Variants in FAM110B observed in about 807,000 individuals in gnomAD.
The protein encoded by FAM110B is protein FAM110B.
Under a neutral mutation model 20.4 loss-of-function variants are expected in FAM110B, and 6 were observed. That is an observed-to-expected ratio of 0.29 (90% CI 0.16 to 0.58). The LOEUF (loss-of-function observed/expected upper bound fraction) is 0.58, where lower values mean the gene tolerates loss of function less well. Ranked by LOEUF, FAM110B falls within the 20% of genes least tolerant of loss-of-function variation. The probability of loss-of-function intolerance (pLI) is 0.90; values close to 1 mark genes in which losing one functional copy is unlikely to be tolerated. For synonymous variants in FAM110B, 226 were observed against 214.1 expected, an observed-to-expected ratio of 1.06 and a Z score of -0.49; for missense variants, 434 against 498.2, an observed-to-expected ratio of 0.87 and a Z score of 1.23.
At chr8:58,140,929 T>G (rs895375165) in intron 3 of FAM110B, among the ~76,000 whole-genome samples, 1 of 152,248 alleles carries the variant, frequency 6.6e-6, no homozygotes, top group South Asian at 2.1e-4. Context: ...ATCTTTTTTT[T>G]AAGTTCAGGA....
At chr8:58,130,160 C>T (rs1028689016) in intron 3 of FAM110B, among the ~76,000 whole-genome samples, 2 of 152,160 alleles carry the variant, frequency 1.3e-5, no homozygotes, top group Admixed American at 1.3e-4. Flanking sequence ...GGATAAAAAG[C>T]TAGCACTTCT....
Position 58,074,664 on chromosome 8 carries a change from T to C in FAM110B, c.-413-871T>C, listed in dbSNP as rs142006608. On this transcript the variant is annotated intron_variant, in intron 2 of 3. Coordinates refer to ENST00000519262, the MANE Select transcript of FAM110B (RefSeq NM_001377989.1). ...ATAGAAAGTGTTCAGCCAGTACCTG[T>C]TGAATGAATGAGAGAATTAATGATT... Among the ~76,000 whole-genome samples, 4 of 152,344 alleles carry C rather than the reference T, an allele frequency of 2.6e-5. No homozygotes were observed. In the East Asian group the frequency reaches 7.7e-4, roughly 29 times the overall value.
At chr8:58,069,020 A>C (rs1193196381) in intron 2 of FAM110B, among the ~76,000 whole-genome samples, 1 of 152,238 alleles carries the variant, frequency 6.6e-6, no homozygotes, top group Non-Finnish European at 1.5e-5. Flanking sequence ...TATAGAATCA[A>C]GTGAAAGTAG....
intron 2 of FAM110B, among the ~76,000 whole-genome samples, chr8:58,045,743 A>G (rs902186325): frequency 6.6e-6 from 1 of 152,218 alleles, no homozygotes; most frequent in Admixed American, 6.5e-5. Context: ...AAAAACAAAG[A>G]AATTATATTA....
chr8:58,121,307 C>T (rs1807356026), intron 3 of FAM110B, among the ~76,000 whole-genome samples: 1 of 152,140 alleles, frequency 6.6e-6, no homozygotes, highest in Non-Finnish European at 1.5e-5. Flanking sequence ...ATGTATTCTC[C>T]TGTGGGTCTC....
chr8:58,051,278 G>A (rs1278005258), intron 2 of FAM110B, among the ~76,000 whole-genome samples: 1 of 152,184 alleles, frequency 6.6e-6, no homozygotes, highest in Admixed American at 6.5e-5. Context: ...CCCTGAGTTC[G>A]AGACCAGAGG....
chr8:58,096,466 G>A (rs72660396), intron 3 of FAM110B, among the ~76,000 whole-genome samples: 4,413 of 152,212 alleles, frequency 0.029, 83 homozygotes, highest in Non-Finnish European at 0.04. Flanking sequence ...GTGAGCCACC[G>A]CGACCAGCCG....
chr8:58,116,474 C>T (rs1585900126), intron 3 of FAM110B, among the ~76,000 whole-genome samples: 1 of 152,186 alleles, frequency 6.6e-6, no homozygotes, highest in Non-Finnish European at 1.5e-5. Context: ...TGTGGTTACT[C>T]CTTTACCTTC....
chr8:58,116,931 C>CGA (rs1207170421), intron 3 of FAM110B, among the ~76,000 whole-genome samples: 4 of 152,152 alleles, frequency 2.6e-5, no homozygotes, highest in African/African-American at 9.7e-5. Context: ...CTTCTTAACG[C>CGA]GATGCACACA....
chr8:58,146,642 A>C lies in FAM110B; in HGVS notation c.412A>C (p.Lys138Gln). 6.2e-7 allele frequency: 1 copy of C among 1,613,600 alleles called. No individual in the cohort carries two copies. Among genetic ancestry groups the C allele is most frequent in the African/African-American group, 1.3e-5 (1 of 75,040 alleles). The stretch of plus-strand genomic sequence containing the variant: ...GGGCTCTAGCTCGGGCTCGGGGCAC[A>C]AGCACAGCTCCCGCAACTGGCCGCC... ...SEGSSSGSGH[K>Q]HSSRNWPPHR... Residue 138 changes from lysine (K) to glutamine (Q), a missense_variant, in exon 4 of 4, where the codon AAG becomes CAG. Physicochemically the swap from Lys to Gln is moderately conservative, Grantham distance 53 (BLOSUM62 1). This residue lies in a region of FAM110B where 284 missense variants were observed against 278.3 expected (regional missense o/e 1.02). Coordinates refer to ENST00000519262, the MANE Select transcript of FAM110B (RefSeq NM_001377989.1).
At chr8:58,014,601 T>G (rs1804602444) in intron 1 of FAM110B, among the ~76,000 whole-genome samples, 1 of 152,240 alleles carries the variant, frequency 6.6e-6, no homozygotes, top group South Asian at 2.1e-4. Flanking sequence ...GCAACAGGCT[T>G]TAACCTTCTC....
chr8:58,079,340 A>G (rs1228889454), intron 3 of FAM110B, among the ~76,000 whole-genome samples: 1 of 152,234 alleles, frequency 6.6e-6, no homozygotes, highest in Non-Finnish European at 1.5e-5. Context: ...TCTTTTACTT[A>G]TTCACAAAAA....
chr8:58,000,835 T>A (rs2150561732), intron 1 of FAM110B, among the ~76,000 whole-genome samples: 1 of 152,344 alleles, frequency 6.6e-6, no homozygotes, highest in Admixed American at 6.5e-5. Flanking sequence ...TTAAAAAAAA[T>A]TCCTTTAATC....
At chr8:58,027,744 A>G (rs1178906204) in intron 1 of FAM110B, among the ~76,000 whole-genome samples, 2 of 152,102 alleles carry the variant, frequency 1.3e-5, no homozygotes, top group Non-Finnish European at 2.9e-5. Flanking sequence ...ATCCTCTTGA[A>G]ATTGCTTTAC....
chr8:58,073,732 T>G lies in FAM110B; in HGVS notation c.-413-1803T>G, dbSNP rs1002086327. Among the ~76,000 whole-genome samples the G allele has an allele frequency of 3.3e-5, 5 of 152,214 alleles. No homozygotes were observed. In the East Asian group the frequency reaches 9.6e-4, roughly 29 times the overall value. On this transcript the variant is annotated intron_variant, in intron 2 of 3. Coordinates refer to ENST00000519262, the MANE Select transcript of FAM110B (RefSeq NM_001377989.1). ...ATTGGCAGGAATTGTCATTTCCTCT[T>G]GGCTGCATGTAGACTCCTGAAAGTC...
At chr8:58,015,445 A>G (rs1025139477) in intron 1 of FAM110B, among the ~76,000 whole-genome samples, 1 of 152,240 alleles carries the variant, frequency 6.6e-6, no homozygotes, top group Non-Finnish European at 1.5e-5. Flanking sequence ...AAAAATGGAT[A>G]CAGATACTAT....
intron 3 of FAM110B, among the ~76,000 whole-genome samples, chr8:58,114,942 G>T (rs193095068): frequency 2.6e-5 from 4 of 151,882 alleles, no homozygotes; most frequent in Admixed American, 6.6e-5. Flanking sequence ...GATGGTCTTC[G>T]CTGGAATCAG....
At chr8:58,088,134 A>G (rs200415276) in intron 3 of FAM110B, among the ~76,000 whole-genome samples, 1 of 152,248 alleles carries the variant, frequency 6.6e-6, no homozygotes, top group African/African-American at 2.4e-5. Context: ...AGTAGTTTTA[A>G]GTAACACACA....
At chr8:58,103,616 T>A (rs1224069298) in intron 3 of FAM110B, among the ~76,000 whole-genome samples, 2 of 151,942 alleles carry the variant, frequency 1.3e-5, no homozygotes, top group Non-Finnish European at 2.9e-5. Flanking sequence ...TTCCAGGAGG[T>A]GTAAGGTATA....
Sources: gnomAD v4.1 joint callset for allele counts (sites outside exome capture counted in the v4.1 genomes callset) on GRCh38, gnomAD v4.1.1 for gene constraint, gnomAD v4.1.1 regional missense constraint, MANE v1.5 for transcripts, NCBI Gene and HGNC (gene_info 2026-07-23, HGNC 2026-07-21) for gene names.